Variants in TANC2 observed in about 807,000 individuals in gnomAD.
TANC2 encodes the protein tetratricopeptide repeat, ankyrin repeat and coiled-coil containing 2, also known as protein TANC2.
Under a neutral mutation model 210.5 loss-of-function variants are expected in TANC2, and 26 were observed. The ratio of observed to expected loss-of-function variants is 0.12; its 90% CI spans 0.09 to 0.17. The LOEUF is 0.17. Ranked by LOEUF, TANC2 falls within the 10% of genes least tolerant of loss-of-function variation. The pLI, the probability that TANC2 is intolerant of heterozygous loss-of-function variation, is 1.00. For synonymous variants in TANC2, 931 were observed against 967.1 expected (o/e 0.96, Z 0.69); for missense variants, 2,129 against 2,608.9 (o/e 0.82, Z 4.01).
intron 7 of TANC2, among the ~76,000 whole-genome samples, chr17:63,216,258 A>T (rs1278095673): frequency 1.3e-5 from 2 of 151,796 alleles, no homozygotes; most frequent in Non-Finnish European, 2.9e-5. Context: ...CATGTTGGCC[A>T]GGCTGGTCTG....
In TANC2 at chr17:63,098,515, G is replaced by GTATATATATA. The variant is rs373665673; in HGVS notation, c.140-650_140-641dup. Among the ~76,000 whole-genome samples, 342 of 126,726 alleles carry GTATATATATA rather than the reference G, an allele frequency of 2.7e-3. 3 individuals carry two copies. Among genetic ancestry groups the GTATATATATA allele is most frequent in the South Asian group, 5.6e-3 (21 of 3,752 alleles). The allele number at this position is 126,726 out of a possible 152,430, so 83.1% of individuals were successfully genotyped here. A position where few individuals can be genotyped will look rare whatever the true frequency, so the allele number is the denominator to read the frequency against. On this transcript the variant is annotated intron_variant, in intron 3 of 27. Transcript: ENST00000689528. Reference sequence around the variant, plus strand: ...TCTCTCTCTCTCTCTCTCTCTGTGTGTATATATATATATATATATGTAAAA... The same window carrying GTATATATATA: ...TCTCTCTCTCTCTCTCTCTCTGTGTGTATATATATATATATATATATATATATATGTAAAA...
chr17:63,033,246 G>C (rs2034843525), intron 2 of TANC2, among the ~76,000 whole-genome samples: 1 of 152,082 alleles, frequency 6.6e-6, no homozygotes, highest in Admixed American at 6.6e-5. Flanking sequence ...ATTGGTGATT[G>C]AGCTCAATCT....
intron 11 of TANC2, among the ~76,000 whole-genome samples, chr17:63,319,686 G>A (rs2045433752): frequency 6.6e-6 from 1 of 152,176 alleles, no homozygotes; most frequent in Non-Finnish European, 1.5e-5. Context: ...CAGGGTATAA[G>A]TAATCAACAG....
chr17:63,270,873 C>T (rs1000661943), intron 9 of TANC2, among the ~76,000 whole-genome samples: 4 of 152,210 alleles, frequency 2.6e-5, no homozygotes, highest in South Asian at 4.1e-4. Context: ...TGTGTCCATG[C>T]GTTCTCATCA....
intron 2 of TANC2, among the ~76,000 whole-genome samples, chr17:63,024,443 C>G (rs566134632): frequency 2.9e-3 from 439 of 152,294 alleles, no homozygotes; most frequent in Non-Finnish European, 5.0e-3. Flanking sequence ...GCCCAGAGGT[C>G]ACTCTCATTG....
chr17:63,413,553 A>G (rs1420190371), exon 25 of TANC2: 2 of 1,595,800 alleles, frequency 1.3e-6, no homozygotes, highest in Admixed American at 1.7e-5. Flanking sequence ...GTCCAGCCAC[A>G]TGGGCGATGG....
chr17:63,344,279 C>T (rs992941462), intron 12 of TANC2, among the ~76,000 whole-genome samples: 1 of 152,188 alleles, frequency 6.6e-6, no homozygotes, highest in Admixed American at 6.5e-5. Context: ...CAGAAAAATT[C>T]TCTTCCATGA....
At position 63,011,099 on chromosome 17, in the gene TANC2, C is replaced by T. The variant is rs78228365; in HGVS notation, c.67+1473C>T. 4.3e-4 allele frequency among the ~76,000 whole-genome samples: 66 copies of T among 152,248 alleles called. No homozygotes were observed. The East Asian group carries it at 0.013, about 29-fold the overall frequency. The stretch of plus-strand genomic sequence containing the variant: ...CCCCTGTCCTGAGGCTATTCAGGAG[C>T]CCCCAGGTACCTATCATTCGTCTCG... On this transcript the variant is annotated intron_variant, in intron 2 of 27. Coordinates refer to ENST00000689528, the Ensembl canonical transcript of TANC2.
chr17:63,197,089 G>A (rs2041370416), intron 6 of TANC2, among the ~76,000 whole-genome samples: 1 of 152,078 alleles, frequency 6.6e-6, no homozygotes, highest in South Asian at 2.1e-4. Context: ...TAAATAAAAA[G>A]TATAAAATAA....
At chr17:63,099,408 G>A (rs1385024667) in intron 4 of TANC2, 51 bp downstream of exon 4, 2 of 1,326,606 alleles carry the variant, frequency 1.5e-6, no homozygotes, top group African/African-American at 2.9e-5. Context: ...CTAACGATAT[G>A]ACACTTTAGG....
At chr17:63,319,424 A>T (rs947498420) in intron 11 of TANC2, among the ~76,000 whole-genome samples, 3 of 152,220 alleles carry the variant, frequency 2.0e-5, no homozygotes, top group African/African-American at 7.2e-5. Flanking sequence ...AGCTCACTGC[A>T]GCCTCCACTT....
chr17:62,997,285 G>T (rs2033164452), intron 1 of TANC2, among the ~76,000 whole-genome samples: 1 of 151,922 alleles, frequency 6.6e-6, no homozygotes, highest in Admixed American at 6.5e-5. Context: ...CTACAGCTGT[G>T]CACCACCAAT....
At chr17:63,316,504 G>T (rs1268093284) in intron 10 of TANC2, among the ~76,000 whole-genome samples, 1 of 152,132 alleles carries the variant, frequency 6.6e-6, no homozygotes, top group African/African-American at 2.4e-5. Flanking sequence ...TTCTTTAAAG[G>T]TAGTTCACTA....
chr17:63,262,868 A>G (rs1391226408), intron 8 of TANC2, among the ~76,000 whole-genome samples: 1 of 152,178 alleles, frequency 6.6e-6, no homozygotes, highest in East Asian at 1.9e-4. Context: ...AAAATAAGAC[A>G]TTAGATACCT....
rs940855944 is a variant in TANC2 at position 63,291,955 on chromosome 17, G to C, written c.1160-22433G>C. Among the ~76,000 whole-genome samples, 13 of 152,328 alleles carry C rather than the reference G, an allele frequency of 8.5e-5. No homozygotes were observed. In the East Asian group the frequency reaches 2.5e-3, roughly 29 times the overall value. ...TTAAGGAGGAAGAAATTATGGGTAA[G>C]TCCCAAGTTTCTATCTTGGAAGACC... On this transcript the variant is annotated intron_variant, in intron 9 of 27. Transcript: ENST00000689528.
intron 14 of TANC2, among the ~76,000 whole-genome samples, chr17:63,370,304 G>A (rs770253551): frequency 6.6e-6 from 1 of 151,186 alleles, no homozygotes; most frequent in Non-Finnish European, 1.5e-5. Context: ...TCAGCCTTCC[G>A]AGTAGCTGAG....
intron 2 of TANC2, among the ~76,000 whole-genome samples, chr17:63,009,960 CTT>C (rs2033792795): frequency 6.6e-6 from 1 of 152,054 alleles, no homozygotes. Flanking sequence ...CCTAGGCACT[CTT>C]TGGGGAAGGA....
exon 28 of TANC2, chr17:63,427,099 G>A (rs2049164171): frequency 6.6e-6 from 1 of 152,230 alleles, no homozygotes; most frequent in African/African-American, 2.4e-5. Context: ...TCCTTTGGCT[G>A]ATTCCTGCTG....
intron 9 of TANC2, among the ~76,000 whole-genome samples, chr17:63,284,375 G>A (rs2044156583): frequency 6.6e-6 from 1 of 151,932 alleles, no homozygotes; most frequent in South Asian, 2.1e-4. Flanking sequence ...ATGTTCATGA[G>A]AGATACTGGT....
Sources: allele counts gnomAD v4.1 joint callset (sites outside exome capture counted in the v4.1 genomes callset), GRCh38; gene constraint gnomAD v4.1.1; transcripts MANE v1.5; gene names NCBI Gene and HGNC (gene_info 2026-07-23, HGNC 2026-07-21).